Variants in ERGIC1 observed in about 807,000 individuals in gnomAD.
The protein encoded by ERGIC1 is endoplasmic reticulum-golgi intermediate compartment 1.
Under a neutral mutation model 38.3 loss-of-function variants are expected in ERGIC1, and 19 were observed. The ratio of observed to expected loss-of-function variants is 0.50; its 90% CI spans 0.35 to 0.73. The LOEUF is 0.73. Ranked by LOEUF, ERGIC1 falls within the 30% of genes least tolerant of loss-of-function variation. The pLI, the probability that ERGIC1 is intolerant of heterozygous loss-of-function variation, is 0.01. For synonymous variants in ERGIC1, 124 were observed against 157.6 expected (o/e 0.79, Z 1.60); for missense variants, 294 against 389.2 (o/e 0.76, Z 2.06).
chr5:172,872,857 G>A (rs1416989825), intron 1 of ERGIC1, among the ~76,000 whole-genome samples: 3 of 152,062 alleles, frequency 2.0e-5, no homozygotes, highest in East Asian at 1.9e-4. Flanking sequence ...AAAAAAGGTG[G>A]TCTCATAGCA....
chr5:172,916,825 A>G (rs1763376317), intron 5 of ERGIC1: 1 of 152,008 alleles, frequency 6.6e-6, no homozygotes, highest in African/African-American at 2.4e-5. Flanking sequence ...AAAATACAAA[A>G]AAAAACAAAA....
At chr5:172,861,865 T>C (rs1042494929) in intron 1 of ERGIC1, among the ~76,000 whole-genome samples, 1 of 152,200 alleles carries the variant, frequency 6.6e-6, no homozygotes, top group African/African-American at 2.4e-5. Flanking sequence ...GAAGAAGCCC[T>C]TTGCAGTGTG....
chr5:172,932,915 G>A (rs892730953), intron 8 of ERGIC1: 10 of 194,128 alleles, frequency 5.2e-5, no homozygotes, highest in African/African-American at 2.3e-4. Context: ...CAGGGCACAG[G>A]CACTTTACCC....
chr5:172,865,404 T>G (rs901831260), intron 1 of ERGIC1, among the ~76,000 whole-genome samples: 6 of 152,228 alleles, frequency 3.9e-5, no homozygotes, highest in Non-Finnish European at 8.8e-5. Context: ...CATAAGCCAG[T>G]GCAAAGGGTT....
At chr5:172,901,786 CAG>C (rs2113337002) in intron 3 of ERGIC1, among the ~76,000 whole-genome samples, 1 of 152,126 alleles carries the variant, frequency 6.6e-6, no homozygotes, top group South Asian at 2.1e-4. Flanking sequence ...TTTGTAGAGA[CAG>C]GGGTCTCCCT....
chr5:172,866,760 G>A (rs1244956758), intron 1 of ERGIC1, among the ~76,000 whole-genome samples: 1 of 152,244 alleles, frequency 6.6e-6, no homozygotes, highest in African/African-American at 2.4e-5. Context: ...ATACTCTCCA[G>A]TCTATTGTCT....
chr5:172,935,343 A>C, intron 9 of ERGIC1, 33 bp downstream of exon 9: 1 of 1,613,304 alleles, frequency 6.2e-7, no homozygotes, highest in Non-Finnish European at 8.5e-7. Context: ...TGGGGCCCTG[A>C]GCCAGCCACC....
chr5:172,874,833 A>G (rs564913222), intron 1 of ERGIC1, among the ~76,000 whole-genome samples: 244 of 151,006 alleles, frequency 1.6e-3, no homozygotes, highest in African/African-American at 5.5e-3. Flanking sequence ...CCAAGGTGGG[A>G]GGATCACCTG....
chr5:172,868,547 G>A (rs977862580), intron 1 of ERGIC1, among the ~76,000 whole-genome samples: 4 of 152,212 alleles, frequency 2.6e-5, no homozygotes, highest in Admixed American at 2.6e-4. Flanking sequence ...CAGGGGTTGC[G>A]GGAGGGAGGG....
At position 172,846,476 on chromosome 5, in the gene ERGIC1, T is replaced by G. The variant is rs1367316575; in HGVS notation, c.20+12043T>G. 3.9e-5 allele frequency among the ~76,000 whole-genome samples: 6 copies of G among 152,158 alleles called. No homozygotes were observed. Among genetic ancestry groups the G allele is most frequent in the Non-Finnish European group, 2.9e-5 (2 of 68,018 alleles). On this transcript the variant is annotated intron_variant, in intron 1 of 9. Transcript: ENST00000393784. This position sits in a 1 kb window ranked among gnomAD's most constrained non-coding sequence, Gnocchi z 4.0. Reference sequence around the variant, plus strand: ...AGGTGGTTTATAGTCATGATCTCATTTCACCATCATTACACACCTGCATGG... The same window carrying G: ...AGGTGGTTTATAGTCATGATCTCATGTCACCATCATTACACACCTGCATGG...
intron 9 of ERGIC1, among the ~76,000 whole-genome samples, chr5:172,940,530 A>T (rs1350996676): frequency 6.6e-6 from 1 of 152,014 alleles, no homozygotes; most frequent in African/African-American, 2.4e-5. Flanking sequence ...GAGGTGTCAG[A>T]TCTCTTTCCT....
At chr5:172,845,224 T>C (rs1431386516) in intron 1 of ERGIC1, among the ~76,000 whole-genome samples, 1 of 152,176 alleles carries the variant, frequency 6.6e-6, no homozygotes, top group Non-Finnish European at 1.5e-5. Flanking sequence ...CAGCTGTGTT[T>C]ACAGTCTGTT....
At chr5:172,859,321 T>A (rs1761637374) in intron 1 of ERGIC1, among the ~76,000 whole-genome samples, 1 of 152,102 alleles carries the variant, frequency 6.6e-6, no homozygotes, top group Admixed American at 6.5e-5. Context: ...CCCAGCCACA[T>A]TCCACTAGGG....
chr5:172,915,555 G>A (rs770943307), intron 5 of ERGIC1: 6 of 470,948 alleles, frequency 1.3e-5, no homozygotes, highest in African/African-American at 4.0e-5. Context: ...GTGGGTGAAC[G>A]CAGTGCCCTT....
At chr5:172,921,555 G>A (rs1462209586) in intron 5 of ERGIC1, 1 of 152,242 alleles carries the variant, frequency 6.6e-6, no homozygotes, top group Non-Finnish European at 1.5e-5. Flanking sequence ...ACTTTGATGG[G>A]CTGCTGCACG....
chr5:172,893,914 T>TATATATATATATACAC (rs1197942428), intron 2 of ERGIC1, among the ~76,000 whole-genome samples: 1 of 77,876 alleles, frequency 1.3e-5, no homozygotes, highest in African/African-American at 4.8e-5. Flanking sequence ...TATGTGTGTG[T>TATATATATATATACAC]GTGTGTGTGT....
intron 9 of ERGIC1, among the ~76,000 whole-genome samples, chr5:172,948,718 A>T (rs988574605): frequency 1.3e-5 from 2 of 152,138 alleles, no homozygotes; most frequent in Non-Finnish European, 2.9e-5. Context: ...CTTATAAATG[A>T]CATAAAGTAG....
intron 5 of ERGIC1, among the ~76,000 whole-genome samples, chr5:172,921,174 A>C (rs1006474586): frequency 6.6e-6 from 1 of 152,230 alleles, no homozygotes. Context: ...TGATGGAGAA[A>C]CTGAGGCATG....
chr5:172,926,673 C>A lies in ERGIC1; in HGVS notation c.541+104C>A. 7.7e-7 allele frequency: 1 copy of A among 1,292,824 alleles called. No homozygotes were observed. Among genetic ancestry groups the A allele is most frequent in the Non-Finnish European group, 1.1e-6 (1 of 906,548 alleles). The allele number at this position is 1,292,824 out of a possible 1,614,324, so 80.1% of individuals were successfully genotyped here. The stretch of plus-strand genomic sequence containing the variant: ...GGGGGTGCCTGTCCAGCACCCACTC[C>A]AAGGCAGGGAGGCTGCTGCTCACAC... On this transcript the variant is annotated intron_variant, in intron 7 of 9. Coordinates refer to ENST00000393784, the MANE Select transcript of ERGIC1 (RefSeq NM_001031711.3). The surrounding 1 kb of genome is among the most constrained non-coding windows in gnomAD (Gnocchi z 5.2).
Sources: gnomAD v4.1 joint callset for allele counts (sites outside exome capture counted in the v4.1 genomes callset) on GRCh38, gnomAD v4.1.1 for gene constraint, Gnocchi (gnomAD v3.1) non-coding constraint, MANE v1.5 for transcripts, NCBI Gene and HGNC (gene_info 2026-07-23, HGNC 2026-07-21) for gene names.